FANCA: variants seen among roughly 807,000 people sequenced by gnomAD.
FANCA encodes Fanconi anemia group A protein.
A neutral mutation model predicts 194.3 loss-of-function variants in FANCA; 236 were observed. That is an observed-to-expected ratio of 1.21 (90% CI 1.09 to 1.35). FANCA has a LOEUF of 1.35. FANCA is among the 40% of genes most tolerant of loss of function. FANCA has a pLI of 0.00. For synonymous variants in FANCA, 1,014 were observed against 715.8 expected (o/e 1.42, Z -6.65); for missense variants, 2,628 against 1,813.9 (o/e 1.45, Z -8.15).
intron 14 of FANCA, among the ~76,000 whole-genome samples, chr16:89,788,765 A>G (rs2039976323): frequency 6.6e-6 from 1 of 152,168 alleles, no homozygotes; most frequent in Non-Finnish European, 1.5e-5. Context: ...ATGCCACTGC[A>G]CTCCAGCCTG....
At chr16:89,806,490 C>T (rs1447559769) in intron 6 of FANCA, among the ~76,000 whole-genome samples, 7 of 151,432 alleles carry the variant, frequency 4.6e-5, no homozygotes, top group African/African-American at 1.7e-4. Flanking sequence ...GGCAGAGGAC[C>T]CTGAGGCCTT....
At chr16:89,813,200 A>G (rs889724123) in intron 3 of FANCA, among the ~76,000 whole-genome samples, 1 of 151,886 alleles carries the variant, frequency 6.6e-6, no homozygotes, top group African/African-American at 2.4e-5. Context: ...TGATTGCTTG[A>G]GCTCAGGAGT....
At chr16:89,775,060 G>C (rs913636761) in intron 21 of FANCA, among the ~76,000 whole-genome samples, 4 of 151,548 alleles carry the variant, frequency 2.6e-5, no homozygotes, top group Admixed American at 2.0e-4. Flanking sequence ...CGCCACTGCA[G>C]TCCACAGCCA....
chr16:89,804,228 G>C (rs147185174), intron 7 of FANCA, among the ~76,000 whole-genome samples: 1 of 152,142 alleles, frequency 6.6e-6, no homozygotes. Flanking sequence ...CTACTGTACA[G>C]ATCAGTTTCT....
Position 89,810,792 on chromosome 16 carries a change from G to C in FANCA, c.437C>G (p.Ser146Cys), listed in dbSNP as rs141367100. Residue 146 changes from serine (S) to cysteine (C), a missense_variant, in exon 5 of 43, where the codon TCT becomes TGT. Physicochemically the swap from Ser to Cys is moderately radical, Grantham distance 112 (BLOSUM62 -1). Transcript: ENST00000389301. ...LLTVEQRKKL[S>C]SLLEFAQYLL... The stretch of plus-strand genomic sequence containing the variant: ...ATACTGAGCAAACTCTAACAGGGAA[G>C]ACAGCTTCTTCTGAAAAGAGAGATT... The C allele has an allele frequency of 6.1e-5, 98 of 1,612,916 alleles. No individual in the cohort carries two copies. The African/African-American group carries it at 9.9e-4, about 16-fold the overall frequency.
chr16:89,771,156 A>G (rs1216603891), intron 23 of FANCA, among the ~76,000 whole-genome samples: 1 of 112,484 alleles, frequency 8.9e-6, no homozygotes, highest in African/African-American at 3.3e-5. Flanking sequence ...AGACTCAGTC[A>G]AAAAAAAAAA....
Position 89,738,938 on chromosome 16 carries a change from A to T in FANCA, c.4204T>A (p.Phe1402Ile), listed in dbSNP as rs2062044916. The change falls in exon 42 of 43, where the codon TTT becomes ATT. Residue 1402 changes from phenylalanine (F) to isoleucine (I), a missense_variant. By Grantham distance (21) the Phe-to-Ile change is conservative. Coordinates refer to ENST00000389301, the MANE Select transcript of FANCA (RefSeq NM_000135.4). ...PVELITKARL[F>I]LLQLIPRCPK... Reference sequence around the variant, plus strand: ...CACCGAGGTATTAACTGCAGCAGAAAAAGACGAGCTTTTGTTATCAGTTCC... The same window carrying T: ...CACCGAGGTATTAACTGCAGCAGAATAAGACGAGCTTTTGTTATCAGTTCC... 6.2e-7 allele frequency: 1 copy of T among 1,614,156 alleles called. No homozygotes were observed. The highest frequency in any genetic ancestry group is 1.3e-5 in the African/African-American group (1 of 74,962).
chr16:89,804,967 C>T (rs558240571), intron 7 of FANCA, among the ~76,000 whole-genome samples: 7 of 152,270 alleles, frequency 4.6e-5, no homozygotes, highest in African/African-American at 1.2e-4. Context: ...ACCCAGGAGG[C>T]GGAGGTTGCA....
At position 89,746,656 on chromosome 16, in the gene FANCA, G is replaced by A. The variant is rs2038400468; in HGVS notation, c.3441C>T (p.Asp1147=). The change falls in exon 35 of 43, where the codon GAC becomes GAT. Residue 1147 remains aspartate (D), a synonymous_variant. Coordinates refer to ENST00000389301, the MANE Select transcript of FANCA (RefSeq NM_000135.4). The stretch of plus-strand genomic sequence containing the variant: ...GTATGAAGTCGACCATCAGGGAGGG[G>A]TCTCTGCTCCGCAGACAGGCGTTCA... ...GLLNACLRSR[D]PSLMVDFILA... 6 of 1,614,212 alleles carry A rather than the reference G, an allele frequency of 3.7e-6. No individual in the cohort carries two copies. In the Middle Eastern group the frequency reaches 4.9e-4, roughly 133 times the overall value.
intron 2 of FANCA, 52 bp downstream of exon 2, chr16:89,815,825 C>T: frequency 7.0e-7 from 1 of 1,433,052 alleles, no homozygotes; most frequent in Non-Finnish European, 9.8e-7. Flanking sequence ...TGGCTGGACT[C>T]AAAAACCCCG....
At chr16:89,796,127 A>C in intron 10 of FANCA, 109 bp from the exon 11 acceptor site, 1 of 842,896 alleles carries the variant, frequency 1.2e-6, no homozygotes, top group South Asian at 1.4e-5. Flanking sequence ...TAAGCAAGGA[A>C]GGGGCTTTCT....
chr16:89,810,666 C>CAAAT (rs1160068075), intron 5 of FANCA, 41 bp downstream of exon 5: 2 of 1,293,588 alleles, frequency 1.5e-6, no homozygotes, highest in East Asian at 4.6e-5. Context: ...CAGAACATTG[C>CAAAT]CTGGAACACT....
At chr16:89,772,636 G>A (rs1362897369) in intron 22 of FANCA, among the ~76,000 whole-genome samples, 2 of 152,146 alleles carry the variant, frequency 1.3e-5, no homozygotes, top group Admixed American at 6.6e-5. Flanking sequence ...GGCCAACATG[G>A]TGAAACCCCA....
intron 30 of FANCA, among the ~76,000 whole-genome samples, chr16:89,753,035 T>G (rs2038651244): frequency 6.6e-6 from 1 of 152,200 alleles, no homozygotes; most frequent in Non-Finnish European, 1.5e-5. Context: ...TAGTCCACCT[T>G]CATGTTCCAT....
intron 15 of FANCA, 40 bp downstream of exon 15, chr16:89,784,814 G>A (rs200759940): frequency 8.0e-6 from 12 of 1,493,384 alleles, no homozygotes; most frequent in South Asian, 4.5e-5. Flanking sequence ...GCAGGTGAGC[G>A]AAGCACCAGA....
At chr16:89,739,877 G>A (rs1337193716) in intron 39 of FANCA, 117 bp downstream of exon 39, 1 of 1,552,750 alleles carries the variant, frequency 6.4e-7, no homozygotes, top group African/African-American at 1.4e-5. Flanking sequence ...CAACTAAAAT[G>A]GAGCTTATAA....
chr16:89,769,581 A>G lies in FANCA; in HGVS notation c.2504+256T>C, dbSNP rs2039249554. ...AGGACATCAAAGAATGCTTAACGAT[A>G]TAGACAGTTACTATCTACTATTAAT... On this transcript the variant is annotated intron_variant, in intron 26 of 42. Coordinates refer to ENST00000389301, the MANE Select transcript of FANCA (RefSeq NM_000135.4). The G allele has an allele frequency of 1.3e-5, 7 of 537,510 alleles. 1 individual carries two copies. In the South Asian group the frequency reaches 1.4e-4, roughly 11 times the overall value. The allele number at this position is 537,510 out of a possible 1,614,324, so 33.3% of individuals were successfully genotyped here. A position where few individuals can be genotyped will look rare whatever the true frequency, so the allele number is the denominator to read the frequency against.
At chr16:89,739,611 T>C (rs1353743360) in intron 39 of FANCA, 58 bp from the exon 40 acceptor site, 8 of 1,535,344 alleles carry the variant, frequency 5.2e-6, no homozygotes, top group Admixed American at 3.9e-5. Flanking sequence ...TTATCAGTGC[T>C]GGGGACACCC....
chr16:89,776,061 C>A (rs202000422), intron 20 of FANCA, among the ~76,000 whole-genome samples: 107 of 151,488 alleles, frequency 7.1e-4, no homozygotes, highest in Non-Finnish European at 1.3e-3. Context: ...CAAAATACCA[C>A]CAGTGATTAT....
Sources: allele counts gnomAD v4.1 joint callset (sites outside exome capture counted in the v4.1 genomes callset), GRCh38; gene constraint gnomAD v4.1.1; transcripts MANE v1.5; gene names NCBI Gene and HGNC (gene_info 2026-07-23, HGNC 2026-07-21).